R3HCC1L: variants seen among roughly 807,000 people sequenced by gnomAD.
R3HCC1L encodes R3H domain and coiled-coil containing 1 like.
R3HCC1L carries 51 observed loss-of-function variants against 59.9 expected under a neutral mutation model. The observed-to-expected ratio is 0.85, with a 90% CI of 0.68 to 1.07. The LOEUF is 1.07. Ranked by LOEUF, R3HCC1L falls within the 50% of genes least tolerant of loss-of-function variation. The probability of loss-of-function intolerance (pLI) is 0.00; values close to 1 mark genes in which losing one functional copy is unlikely to be tolerated. For missense variants in R3HCC1L, 965 were observed against 933.0 expected (o/e 1.03, Z -0.45); for synonymous variants, 322 against 315.2 (o/e 1.02, Z -0.23).
At chr10:98,187,899 G>C (rs1850397379) in intron 4 of R3HCC1L, among the ~76,000 whole-genome samples, 1 of 151,768 alleles carries the variant, frequency 6.6e-6, no homozygotes. Context: ...ACCATGCCCA[G>C]CTAATTAAAA....
At chr10:98,202,309 C>G (rs1393406335) in intron 4 of R3HCC1L, among the ~76,000 whole-genome samples, 1 of 152,066 alleles carries the variant, frequency 6.6e-6, no homozygotes, top group East Asian at 1.9e-4. Context: ...TAAAGTGCTA[C>G]CCCACACACC....
chr10:98,152,053 C>A (rs1366738208), intron 1 of R3HCC1L, among the ~76,000 whole-genome samples: 2 of 152,180 alleles, frequency 1.3e-5, no homozygotes, highest in African/African-American at 2.4e-5. Context: ...AACCTCCCTG[C>A]CTGATTCTCC....
intron 6 of R3HCC1L, 41 bp from the exon 7 acceptor site, chr10:98,234,405 A>C: frequency 6.4e-7 from 1 of 1,562,988 alleles, no homozygotes; most frequent in African/African-American, 1.4e-5. Context: ...CATAAAAGTA[A>C]ATTTTATTTT....
intron 4 of R3HCC1L, among the ~76,000 whole-genome samples, chr10:98,179,796 G>C (rs1159777784): frequency 6.6e-6 from 1 of 152,096 alleles, no homozygotes; most frequent in Non-Finnish European, 1.5e-5. Flanking sequence ...TCTTGGGAGG[G>C]TGTATATGTC....
chr10:98,147,340 A>G (rs1390784699), intron 1 of R3HCC1L, among the ~76,000 whole-genome samples: 1 of 152,122 alleles, frequency 6.6e-6, no homozygotes, highest in African/African-American at 2.4e-5. Context: ...ATAGTTTGCA[A>G]GTATTTTCTC....
At position 98,236,024 on chromosome 10, in the gene R3HCC1L, A is replaced by G; in HGVS notation, c.2129A>G (p.Glu710Gly). ...TACTCCCTTCCTTTCTTCGATTCAGAGTTCCTCCAGCCAGCAAAGGAGCGT... is the reference window on the plus strand; with the variant it reads ...TACTCCCTTCCTTTCTTCGATTCAGGGTTCCTCCAGCCAGCAAAGGAGCGT... The part of the protein sequence containing the change: ...AAKAKARAYA[E>G]FLQPAKERPE... Residue 710 changes from glutamate to glycine, a missense_variant and splice_region_variant, in exon 9 of 10, where the codon GAG becomes GGG. By Grantham distance (98) the Glu-to-Gly change is moderately conservative. Transcript: ENST00000298999. The G allele has an allele frequency of 6.2e-7, 1 of 1,612,796 alleles. No homozygotes were observed. Among genetic ancestry groups the G allele is most frequent in the Non-Finnish European group, 8.5e-7 (1 of 1,179,144 alleles).
chr10:98,174,355 G>A (rs1448868051), intron 4 of R3HCC1L: 2 of 383,782 alleles, frequency 5.2e-6, no homozygotes, highest in Non-Finnish European at 7.1e-6. Context: ...CTTCCAGGAA[G>A]TTATTGAATT....
Position 98,235,524 on chromosome 10 carries a change from A to T in R3HCC1L, c.2128+4A>T. ...GCCAAAGCTAGAGCTTATGCTGGTGAGTCTATAATCTCTGGGTTTTTTTCT... is the reference window on the plus strand; with the variant it reads ...GCCAAAGCTAGAGCTTATGCTGGTGTGTCTATAATCTCTGGGTTTTTTTCT... On this transcript the variant is annotated splice_donor_region_variant and intron_variant, in intron 8 of 9. Coordinates refer to ENST00000298999, the MANE Select transcript of R3HCC1L (RefSeq NM_001351015.2). 1 of 1,604,910 alleles carries T rather than the reference A, an allele frequency of 6.2e-7. No homozygotes were observed. Among genetic ancestry groups the T allele is most frequent in the Non-Finnish European group, 8.5e-7 (1 of 1,174,724 alleles).
intron 4 of R3HCC1L, among the ~76,000 whole-genome samples, chr10:98,173,696 A>C (rs1037198083): frequency 1.8e-4 from 28 of 151,874 alleles, no homozygotes; most frequent in Non-Finnish European, 3.8e-4. Flanking sequence ...ACAGGGCCAC[A>C]CCCCTCCCCC....
At chr10:98,154,352 G>A (rs990825222) in intron 1 of R3HCC1L, among the ~76,000 whole-genome samples, 1 of 152,162 alleles carries the variant, frequency 6.6e-6, no homozygotes, top group Non-Finnish European at 1.5e-5. Context: ...AATCTGGTGT[G>A]TGCAGATATA....
intron 4 of R3HCC1L, among the ~76,000 whole-genome samples, chr10:98,188,326 A>C (rs566496277): frequency 6.6e-6 from 1 of 152,344 alleles, no homozygotes; most frequent in East Asian, 1.9e-4. Context: ...TAGAGAGCGC[A>C]GAATACCCAG....
intron 5 of R3HCC1L, among the ~76,000 whole-genome samples, chr10:98,224,617 A>G (rs1855461601): frequency 6.6e-6 from 1 of 152,246 alleles, no homozygotes; most frequent in Admixed American, 6.5e-5. Flanking sequence ...CATATCATTT[A>G]TGCTTTATAA....
chr10:98,179,733 A>G (rs1031668943), intron 4 of R3HCC1L, among the ~76,000 whole-genome samples: 4 of 151,870 alleles, frequency 2.6e-5, no homozygotes, highest in African/African-American at 9.7e-5. Flanking sequence ...TATTACCTCA[A>G]TTTTGGAGCC....
rs1856920209 is a variant in R3HCC1L at position 98,236,101 on chromosome 10, G to A, written c.2206G>A (p.Val736Ile). The A allele has an allele frequency of 6.2e-7, 1 of 1,613,992 alleles. No individual in the cohort carries two copies. Among genetic ancestry groups the A allele is most frequent in the South Asian group, 1.1e-5 (1 of 91,080 alleles). ...ARRLVISALG[V>I]RSKQSKTERE... The stretch of plus-strand genomic sequence containing the variant: ...AAGGTTAGTCATCAGTGCCCTTGGG[G>A]TTCGAAGTAAGCAGAGCAAAACCGA... Residue 736 changes from valine (V) to isoleucine (I), a missense_variant, in exon 9 of 10, where the codon GTT becomes ATT. Coordinates refer to ENST00000298999, the MANE Select transcript of R3HCC1L (RefSeq NM_001351015.2).
intron 4 of R3HCC1L, among the ~76,000 whole-genome samples, chr10:98,177,854 A>C (rs1033588842): frequency 3.2e-4 from 48 of 152,194 alleles, no homozygotes; most frequent in African/African-American, 1.2e-3. Flanking sequence ...TGTTCATATA[A>C]TTTGCCCACT....
At chr10:98,217,628 T>C (rs1564712876) in intron 5 of R3HCC1L, among the ~76,000 whole-genome samples, 1 of 152,224 alleles carries the variant, frequency 6.6e-6, no homozygotes, top group Non-Finnish European at 1.5e-5. Flanking sequence ...TTTAACAGTA[T>C]TAATTTTTCC....
At chr10:98,184,902 T>G (rs897005116) in intron 4 of R3HCC1L, among the ~76,000 whole-genome samples, 1 of 152,188 alleles carries the variant, frequency 6.6e-6, no homozygotes, top group South Asian at 2.1e-4. Flanking sequence ...GTGTTTACTA[T>G]AGGTAAAGTA....
intron 4 of R3HCC1L, among the ~76,000 whole-genome samples, chr10:98,165,496 C>G (rs1296147653): frequency 1.3e-5 from 2 of 152,200 alleles, no homozygotes; most frequent in Non-Finnish European, 2.9e-5. Context: ...TTATCTCAGA[C>G]AAATGTACAT....
intron 1 of R3HCC1L, among the ~76,000 whole-genome samples, chr10:98,149,541 A>G (rs1845955819): frequency 6.6e-6 from 1 of 152,150 alleles, no homozygotes; most frequent in African/African-American, 2.4e-5. Context: ...GGTGTGTTAC[A>G]GTTCCATTTT....
Sources: allele counts gnomAD v4.1 joint callset (sites outside exome capture counted in the v4.1 genomes callset), GRCh38; gene constraint gnomAD v4.1.1; transcripts MANE v1.5; gene names NCBI Gene and HGNC (gene_info 2026-07-23, HGNC 2026-07-21).